The following NAP1L4 variants were observed in gnomAD, a reference collection of about 807,000 sequenced individuals.
The protein encoded by NAP1L4 is nucleosome assembly protein 1-like 4.
NAP1L4 carries 15 observed loss-of-function variants against 58.2 expected under a neutral mutation model. The observed-to-expected ratio is 0.26, with a 90% CI of 0.17 to 0.40. The LOEUF (loss-of-function observed/expected upper bound fraction) is 0.40, where lower values mean the gene tolerates loss of function less well. Among genes scored for constraint, NAP1L4 ranks in the 10% least tolerant of loss-of-function variants. The pLI, the probability that NAP1L4 is intolerant of heterozygous loss-of-function variation, is 1.00. For missense variants in NAP1L4, 384 were observed against 451.1 expected (o/e 0.85, Z 1.35); for synonymous variants, 171 against 155.6 (o/e 1.10, Z -0.74).
chr11:2,991,206 TG>T (rs761271962), intron 1 of NAP1L4: 26 of 451,606 alleles, frequency 5.8e-5, no homozygotes, highest in Non-Finnish European at 4.0e-5. Flanking sequence ...TCCCCTTTAC[TG>T]GACCCTAAAC....
rs970624753 is a variant in NAP1L4 at position 2,971,313 on chromosome 11, T to TA, written c.402+134dup. ...GCTAGATCCATATCAGAAAGGAATC[T>TA]AAACCCAACCTAATGATGCAGCAGC... is the stretch of plus-strand genomic sequence containing the variant. On this transcript the variant is annotated intron_variant, in intron 6 of 15. Coordinates refer to ENST00000380542, the MANE Select transcript of NAP1L4 (RefSeq NM_005969.4). The surrounding 1 kb of genome is among the most constrained non-coding windows in gnomAD (Gnocchi z 4.2). 2.8e-6 allele frequency: 2 copies of TA among 718,758 alleles called. No individual in the cohort carries two copies. Among genetic ancestry groups the TA allele is most frequent in the Admixed American group, 5.2e-5 (2 of 38,486 alleles). The allele number at this position is 718,758 out of a possible 1,614,324, so 44.5% of individuals were successfully genotyped here.
chr11:2,978,697 A>G (rs1332474034), intron 2 of NAP1L4, among the ~76,000 whole-genome samples: 1 of 152,248 alleles, frequency 6.6e-6, no homozygotes, highest in Admixed American at 6.5e-5. Flanking sequence ...CTGTTTGGTC[A>G]GCTGCTCATG....
At chr11:2,961,173 T>C (rs1846881225) in intron 8 of NAP1L4, among the ~76,000 whole-genome samples, 1 of 152,076 alleles carries the variant, frequency 6.6e-6, no homozygotes, top group Non-Finnish European at 1.5e-5. Context: ...AAAAAAAGTT[T>C]ATACATTCAA....
chr11:2,978,409 CAT>C lies in NAP1L4; in HGVS notation c.15-69_15-68del, dbSNP rs371878767. The C allele has an allele frequency of 1.3e-4, 180 of 1,439,150 alleles. No individual in the cohort carries two copies. The African/African-American group carries it at 2.3e-3, about 19-fold the overall frequency. The allele number at this position is 1,439,150 out of a possible 1,614,324, so 89.1% of individuals were successfully genotyped here. On this transcript the variant is annotated intron_variant, in intron 2 of 15. Coordinates refer to ENST00000380542, the MANE Select transcript of NAP1L4 (RefSeq NM_005969.4). ...GTTCCAAAGACATAGCACAAATGGA[CAT>C]GTTTCTTATTCAATATATTAAGAGG...
In NAP1L4 at chr11:2,972,155, C is replaced by T; in HGVS notation, c.262G>A (p.Val88Ile). 6.2e-7 allele frequency: 1 copy of T among 1,606,524 alleles called. No homozygotes were observed. Among genetic ancestry groups the T allele is most frequent in the Non-Finnish European group, 8.5e-7 (1 of 1,177,854 alleles). The change falls in exon 5 of 16, where the codon GTA becomes ATA. Residue 88 changes from valine (V) to isoleucine (I), a missense_variant. By Grantham distance (29) the Val-to-Ile change is conservative (BLOSUM62 3). Transcript: ENST00000380542. ...AHIEAKFYEE[V>I]HDLERKYAAL... ...GCATACTTTCTTTCCAAGTCATGTA[C>T]CTCTTCATAGAACTTGGCTTCTATG...
chr11:2,960,878 TACAAG>T (rs1846852909), intron 8 of NAP1L4, among the ~76,000 whole-genome samples: 1 of 152,176 alleles, frequency 6.6e-6, no homozygotes, highest in African/African-American at 2.4e-5. Flanking sequence ...ATAGACAGTT[TACAAG>T]ACCAGTTCTA....
In NAP1L4 at chr11:2,949,246, TAACA is replaced by T; in HGVS notation, c.*9_*12del. On this transcript the variant is annotated 3_prime_UTR_variant, in exon 15 of 16. Coordinates refer to ENST00000380542, the MANE Select transcript of NAP1L4 (RefSeq NM_005969.4). This position sits in a 1 kb window ranked among gnomAD's most constrained non-coding sequence, Gnocchi z 4.0. ...CCTTACCTAGAAACGTATGAATGAT[TAACA>T]GACAAAAATTACACCTAAATGGGGA... The T allele has an allele frequency of 6.2e-7, 1 of 1,600,792 alleles. No homozygotes were observed. The highest frequency in any genetic ancestry group is 2.2e-5 in the East Asian group (1 of 44,812).
At chr11:2,972,760 G>C (rs1347415634) in intron 4 of NAP1L4, among the ~76,000 whole-genome samples, 1 of 152,118 alleles carries the variant, frequency 6.6e-6, no homozygotes, top group Admixed American at 6.5e-5. Context: ...CTTGAGGGCA[G>C]GACTCCAAGA....
intron 1 of NAP1L4, among the ~76,000 whole-genome samples, chr11:2,985,523 T>G (rs987484277): frequency 6.6e-6 from 1 of 152,222 alleles, no homozygotes; most frequent in Admixed American, 6.5e-5. Flanking sequence ...CTGGTGACTA[T>G]AGTTAACAAC....
chr11:2,971,988 G>T lies in NAP1L4; in HGVS notation c.315+114C>A. The T allele has an allele frequency of 9.1e-7, 1 of 1,094,430 alleles. No homozygotes were observed. The highest frequency in any genetic ancestry group is 1.3e-6 in the Non-Finnish European group (1 of 796,242). The allele number at this position is 1,094,430 out of a possible 1,614,324, so 67.8% of individuals were successfully genotyped here. On this transcript the variant is annotated intron_variant, in intron 5 of 15. Coordinates refer to ENST00000380542, the MANE Select transcript of NAP1L4 (RefSeq NM_005969.4). This position sits in a 1 kb window ranked among gnomAD's most constrained non-coding sequence, Gnocchi z 4.2. ...GGTAGTCTAGACTAAGCTATGTTTG[G>T]CAGGTTAGATGCGTTCTTACCCTAG...
chr11:2,990,047 A>C (rs1320912582), intron 1 of NAP1L4: 3 of 152,206 alleles, frequency 2.0e-5, no homozygotes, highest in Non-Finnish European at 4.4e-5. Flanking sequence ...AATTCAACCA[A>C]TTTCTCCAAT....
intron 15 of NAP1L4, among the ~76,000 whole-genome samples, chr11:2,947,822 G>A (rs537418327): frequency 6.6e-5 from 10 of 152,266 alleles, no homozygotes; most frequent in Admixed American, 3.9e-4. Context: ...GATAACACTC[G>A]ACCTGAGAAA....
chr11:2,978,277 G>C lies in NAP1L4; in HGVS notation c.73+7C>G, dbSNP rs3814964. 3 of 1,613,190 alleles carry C rather than the reference G, an allele frequency of 1.9e-6. No homozygotes were observed. In the African/African-American group the frequency reaches 4.0e-5, roughly 22 times the overall value. The stretch of plus-strand genomic sequence containing the variant: ...GGATGCAAACTCTCCATGTGCAGTG[G>C]ACTGACCTGTGTTACTTGCATTTTT... On this transcript the variant is annotated splice_region_variant and intron_variant, in intron 3 of 15. Transcript: ENST00000380542.
rs1846108654 is a variant in NAP1L4 at position 2,949,418 on chromosome 11, T to C, written c.1123-154A>G. 6.6e-6 allele frequency among the ~76,000 whole-genome samples: 1 copy of C among 152,178 alleles called. No individual in the cohort carries two copies. Among genetic ancestry groups the C allele is most frequent in the African/African-American group, 2.4e-5 (1 of 41,446 alleles). On this transcript the variant is annotated intron_variant, in intron 14 of 15. Transcript: ENST00000380542. This position sits in a 1 kb window ranked among gnomAD's most constrained non-coding sequence, Gnocchi z 4.0. ...AACAACTTCAACACTAGATCATACT[T>C]TCAAAATGGGCAGAAGCATGATTTT...
chr11:2,980,908 T>C (rs1436891245), intron 1 of NAP1L4, among the ~76,000 whole-genome samples: 1 of 148,422 alleles, frequency 6.7e-6, no homozygotes, highest in African/African-American at 2.6e-5. Flanking sequence ...AAATTATGTT[T>C]TAATGAAGAA....
intron 1 of NAP1L4, among the ~76,000 whole-genome samples, chr11:2,980,005 T>C (rs935689899): frequency 6.6e-6 from 1 of 152,194 alleles, no homozygotes; most frequent in Non-Finnish European, 1.5e-5. Context: ...GTATCTTCCA[T>C]TACTTCTACA....
chr11:2,984,701 C>T (rs994733506), intron 1 of NAP1L4, among the ~76,000 whole-genome samples: 2 of 152,216 alleles, frequency 1.3e-5, no homozygotes, highest in African/African-American at 4.8e-5. Context: ...TGCTCTTCTG[C>T]ATAACCTTCC....
At chr11:2,980,627 C>T (rs188960698) in intron 1 of NAP1L4, among the ~76,000 whole-genome samples, 3 of 152,270 alleles carry the variant, frequency 2.0e-5, no homozygotes, top group East Asian at 3.9e-4. Context: ...CTGAGGGCCT[C>T]GCTAAACGGT....
At chr11:2,965,176 G>A (rs141741262) in intron 7 of NAP1L4, among the ~76,000 whole-genome samples, 50 of 152,350 alleles carry the variant, frequency 3.3e-4, no homozygotes, top group African/African-American at 1.2e-3. Context: ...AGGCTAGATC[G>A]GCTACGGCCT....
Sources: gnomAD v4.1 joint callset for allele counts (sites outside exome capture counted in the v4.1 genomes callset) on GRCh38, gnomAD v4.1.1 for gene constraint, Gnocchi (gnomAD v3.1) non-coding constraint, MANE v1.5 for transcripts, NCBI Gene and HGNC (gene_info 2026-07-23, HGNC 2026-07-21) for gene names.